Variants in MAP3K7CL observed in about 807,000 individuals in gnomAD.
MAP3K7CL encodes MAP3K7 C-terminal like.
In MAP3K7CL, 16 loss-of-function variants were observed where a neutral mutation model predicts 18.6. The ratio of observed to expected loss-of-function variants is 0.86; its 90% CI spans 0.58 to 1.31. The LOEUF (loss-of-function observed/expected upper bound fraction) is 1.31. Ranked by LOEUF, MAP3K7CL falls within the 50% of genes most tolerant of loss-of-function variation. The pLI is 0.00. For missense variants in MAP3K7CL, 163 were observed against 174.4 expected, an observed-to-expected ratio of 0.93 and a Z score of 0.37; for synonymous variants, 65 against 66.8, an observed-to-expected ratio of 0.97 and a Z score of 0.13.
intron 1 of MAP3K7CL, among the ~76,000 whole-genome samples, chr21:29,090,981 T>C (rs957613053): frequency 1.3e-5 from 2 of 152,254 alleles, no homozygotes; most frequent in African/African-American, 2.4e-5. Context: ...ACCAATTTTA[T>C]CATTTCAACA....
intron 2 of MAP3K7CL, among the ~76,000 whole-genome samples, chr21:29,147,805 T>C (rs531846641): frequency 3.0e-4 from 45 of 151,982 alleles, no homozygotes; most frequent in African/African-American, 9.9e-4. Context: ...GTACTGTATA[T>C]GTGTACTGTA....
At chr21:29,101,665 C>T (rs1292423267) in intron 4 of MAP3K7CL, among the ~76,000 whole-genome samples, 2 of 152,172 alleles carry the variant, frequency 1.3e-5, no homozygotes, top group Non-Finnish European at 2.9e-5. Flanking sequence ...GCCTTGGCCT[C>T]CCGAAGTGCT....
At chr21:29,120,286 A>T (rs1168621474) in intron 4 of MAP3K7CL, among the ~76,000 whole-genome samples, 2 of 152,168 alleles carry the variant, frequency 1.3e-5, no homozygotes, top group Non-Finnish European at 2.9e-5. Flanking sequence ...GGCACCAATG[A>T]AAAGGTATCT....
chr21:29,145,605 C>G (rs1279409773), intron 2 of MAP3K7CL: 1 of 152,208 alleles, frequency 6.6e-6, no homozygotes, highest in Admixed American at 6.5e-5. Flanking sequence ...CTTGGGGCAG[C>G]TTTGTAAGCA....
rs139738822 is a variant in MAP3K7CL, at chr21:29,158,781, T to C, written c.133-1160T>C. ...TAGTTTATATATAGAGAGAGACCATTGTGAAGAAAGGATAAGATTGAAGAG... is the reference window on the plus strand; with the variant it reads ...TAGTTTATATATAGAGAGAGACCATCGTGAAGAAAGGATAAGATTGAAGAG... On this transcript the variant is annotated intron_variant, in intron 3 of 4. Transcript: ENST00000399928. Among the ~76,000 whole-genome samples the C allele has an allele frequency of 1.9e-3, 292 of 152,248 alleles. 1 individual carries two copies. The highest frequency in any genetic ancestry group is 6.1e-3 in the African/African-American group (253 of 41,546).
At chr21:29,160,622 T>C (rs977711321) in intron 4 of MAP3K7CL, among the ~76,000 whole-genome samples, 1 of 152,258 alleles carries the variant, frequency 6.6e-6, no homozygotes, top group Non-Finnish European at 1.5e-5. Context: ...TTAATTGCAC[T>C]TGATTCCGCC....
At chr21:29,080,928 A>G (rs962536468), upstream of MAP3K7CL, among the ~76,000 whole-genome samples, 2 of 152,112 alleles carry the variant, frequency 1.3e-5, no homozygotes, top group Non-Finnish European at 2.9e-5. Flanking sequence ...CACATCAGAA[A>G]TGAAATTCAG....
chr21:29,167,511 G>A (rs1006987819), intron 4 of MAP3K7CL, among the ~76,000 whole-genome samples: 8 of 148,492 alleles, frequency 5.4e-5, no homozygotes, highest in Non-Finnish European at 1.0e-4. Flanking sequence ...TATTTATTCT[G>A]AGATTTCTAA....
At chr21:29,154,925 A>G (rs569230434) in intron 3 of MAP3K7CL, among the ~76,000 whole-genome samples, 2 of 152,284 alleles carry the variant, frequency 1.3e-5, no homozygotes, top group East Asian at 3.9e-4. Context: ...TCATTTAGGT[A>G]TGGCTTGTTC....
rs758124528 is a variant in MAP3K7CL at position 29,130,870 on chromosome 21, C to T, written c.-93C>T. On this transcript the variant is annotated 5_prime_UTR_variant, in exon 1 of 5. Coordinates refer to ENST00000399928, the MANE Select transcript of MAP3K7CL (RefSeq NM_001286620.2). ...TCTACTCCACAAAGGCAACGACTGG[C>T]CAAGGCAGTGGCTGGCTCTGGGTTA... 3.8e-4 allele frequency: 379 copies of T among 985,538 alleles called. 1 individual carries two copies. Among genetic ancestry groups the T allele is most frequent in the Non-Finnish European group, 4.3e-4 (353 of 830,022 alleles). The allele number at this position is 985,538 out of a possible 1,614,324, so 61.0% of individuals were successfully genotyped here. A position where few individuals can be genotyped will look rare whatever the true frequency, so the allele number is the denominator to read the frequency against.
At chr21:29,137,705 G>A (rs904415003) in intron 2 of MAP3K7CL, among the ~76,000 whole-genome samples, 20 of 152,090 alleles carry the variant, frequency 1.3e-4, no homozygotes, top group Admixed American at 1.2e-3. Context: ...GAAGAGTAAC[G>A]TGTTGTCTAC....
At chr21:29,154,214 A>C (rs2087345278) in intron 3 of MAP3K7CL, among the ~76,000 whole-genome samples, 3 of 152,240 alleles carry the variant, frequency 2.0e-5, no homozygotes, top group Admixed American at 2.0e-4. Flanking sequence ...TTGCTCAATT[A>C]ATGTAAATTT....
chr21:29,109,889 A>G (rs2086389825), intron 4 of MAP3K7CL: 1 of 659,810 alleles, frequency 1.5e-6, no homozygotes, highest in African/African-American at 2.0e-5. Flanking sequence ...GTCTTCTGTT[A>G]TTGTCAGATT....
At chr21:29,151,922 A>G (rs2087285428) in intron 3 of MAP3K7CL, among the ~76,000 whole-genome samples, 1 of 152,160 alleles carries the variant, frequency 6.6e-6, no homozygotes, top group Non-Finnish European at 1.5e-5. Context: ...CAATGAAACT[A>G]TTTCATCTTC....
At chr21:29,118,782 A>T (rs1266483573) in intron 4 of MAP3K7CL, among the ~76,000 whole-genome samples, 2 of 152,268 alleles carry the variant, frequency 1.3e-5, no homozygotes, top group African/African-American at 4.8e-5. Flanking sequence ...TGCCAAACTA[A>T]AGACGTGATT....
intron 4 of MAP3K7CL, among the ~76,000 whole-genome samples, chr21:29,112,877 C>T (rs1287128871): frequency 2.0e-5 from 3 of 151,366 alleles, no homozygotes; most frequent in Non-Finnish European, 2.9e-5. Context: ...GGCTAGAGTG[C>T]GCACCACTGC....
intron 4 of MAP3K7CL, among the ~76,000 whole-genome samples, chr21:29,100,096 A>AG (rs1337940057): frequency 6.6e-6 from 1 of 151,536 alleles, no homozygotes; most frequent in East Asian, 1.9e-4. Context: ...AAAAAAAAAA[A>AG]AAAAAAAAGG....
chr21:29,163,232 C>T (rs2087598266), intron 4 of MAP3K7CL, among the ~76,000 whole-genome samples: 1 of 152,212 alleles, frequency 6.6e-6, no homozygotes, highest in Admixed American at 6.5e-5. Flanking sequence ...GGACCCCCTC[C>T]TTAATTACTT....
chr21:29,175,196 A>T lies in MAP3K7CL; in HGVS notation c.*304A>T, dbSNP rs1488350441. The T allele has an allele frequency of 5.2e-6, 1 of 192,822 alleles. No individual in the cohort carries two copies. The highest frequency in any genetic ancestry group is 1.1e-5 in the Non-Finnish European group (1 of 94,270). 11.9% of individuals were successfully genotyped at this position (192,822 alleles called of 1,614,324 possible). On this transcript the variant is annotated 3_prime_UTR_variant, in exon 5 of 5. Transcript: ENST00000399928. ...ATGCTGTACAACAGGGTAGAAAATG[A>T]TAAAAATAGACTATTGACTGACCCA...
Sources: allele counts gnomAD v4.1 joint callset (sites outside exome capture counted in the v4.1 genomes callset), GRCh38; gene constraint gnomAD v4.1.1; transcripts MANE v1.5; gene names NCBI Gene and HGNC (gene_info 2026-07-23, HGNC 2026-07-21).